Variants in ACAD11 observed in about 807,000 individuals in gnomAD.
The protein encoded by ACAD11 is acyl-Coenzyme A dehydrogenase family, member 11.
ACAD11 carries 83 observed loss-of-function variants against 102.2 expected under a neutral mutation model. The ratio of observed to expected loss-of-function variants is 0.81; its 90% CI spans 0.68 to 0.97. ACAD11 has a LOEUF of 0.97. Among genes scored for constraint, ACAD11 ranks in the 50% least tolerant of loss-of-function variants. The pLI is 0.00. For missense variants in ACAD11, 901 were observed against 951.7 expected, an observed-to-expected ratio of 0.95 and a Z score of 0.70; for synonymous variants, 324 against 319.8, an observed-to-expected ratio of 1.01 and a Z score of -0.14.
chr3:132,606,804 G>T (rs1938858045), intron 11 of ACAD11, among the ~76,000 whole-genome samples: 1 of 152,238 alleles, frequency 6.6e-6, no homozygotes, highest in African/African-American at 2.4e-5. Flanking sequence ...GCCTCCTCAA[G>T]TGGGTCCCTG....
chr3:132,610,363 A>T (rs967082070), intron 11 of ACAD11, among the ~76,000 whole-genome samples: 1 of 152,210 alleles, frequency 6.6e-6, no homozygotes, highest in Non-Finnish European at 1.5e-5. Flanking sequence ...GGCAAGAAAT[A>T]ACTAAGATCA....
intron 3 of ACAD11, 65 bp downstream of exon 3, chr3:132,642,612 A>C: frequency 6.8e-7 from 1 of 1,468,022 alleles, no homozygotes; most frequent in East Asian, 2.3e-5. Context: ...TATCATAATA[A>C]AACATCTTAA....
chr3:132,565,306 T>C (rs1349250770), intron 17 of ACAD11, among the ~76,000 whole-genome samples: 1 of 152,160 alleles, frequency 6.6e-6, no homozygotes, highest in Non-Finnish European at 1.5e-5. Flanking sequence ...CCAACCCATC[T>C]TATGGGTTGT....
intron 5 of ACAD11, among the ~76,000 whole-genome samples, chr3:132,637,858 C>A (rs1940332046): frequency 6.6e-6 from 1 of 152,106 alleles, no homozygotes; most frequent in South Asian, 2.1e-4. Flanking sequence ...GTTTATTCTT[C>A]TTTCTTAATT....
chr3:132,640,867 T>C (rs1940467613), intron 4 of ACAD11, among the ~76,000 whole-genome samples: 2 of 152,130 alleles, frequency 1.3e-5, no homozygotes, highest in African/African-American at 4.8e-5. Context: ...AATGATATGC[T>C]TACAAAGGAA....
At chr3:132,586,699 T>A (rs1937850406) in intron 13 of ACAD11, among the ~76,000 whole-genome samples, 2 of 152,160 alleles carry the variant, frequency 1.3e-5, no homozygotes, top group Admixed American at 6.5e-5. Flanking sequence ...ACTATTATAC[T>A]GAAAATAAAT....
intron 16 of ACAD11, 54 bp from the exon 17 acceptor site, chr3:132,575,980 TTTTG>T (rs1937518505): frequency 1.3e-6 from 2 of 1,587,190 alleles, no homozygotes; most frequent in Admixed American, 3.4e-5. Flanking sequence ...AGCCCATTCC[TTTTG>T]TTATTTATAC....
At chr3:132,561,835 T>A (rs1400534800) in intron 17 of ACAD11, among the ~76,000 whole-genome samples, 1 of 152,242 alleles carries the variant, frequency 6.6e-6, no homozygotes, top group East Asian at 1.9e-4. Context: ...CAGGCTCCTC[T>A]CACTCCTAAC....
intron 13 of ACAD11, among the ~76,000 whole-genome samples, chr3:132,590,134 T>C (rs1576567330): frequency 1.3e-5 from 2 of 152,294 alleles, no homozygotes; most frequent in East Asian, 3.9e-4. Context: ...TTGATTCCAT[T>C]GTGAGTAGTG....
At chr3:132,586,482 A>C (rs926150949) in intron 13 of ACAD11, among the ~76,000 whole-genome samples, 1 of 152,106 alleles carries the variant, frequency 6.6e-6, no homozygotes, top group Non-Finnish European at 1.5e-5. Context: ...CCTAAAACTT[A>C]AAGTGTAATA....
At chr3:132,629,043 TAATA>T (rs1327559825) in intron 7 of ACAD11, among the ~76,000 whole-genome samples, 1 of 152,224 alleles carries the variant, frequency 6.6e-6, no homozygotes, top group Non-Finnish European at 1.5e-5. Flanking sequence ...TAAAACACTG[TAATA>T]AATAAAACAC....
intron 4 of ACAD11, 133 bp from the exon 5 acceptor site, chr3:132,639,789 T>C: frequency 1.3e-6 from 1 of 777,408 alleles, no homozygotes; most frequent in Non-Finnish European, 2.0e-6. Flanking sequence ...GATACTCCTG[T>C]CATCCTAAAA....
intron 17 of ACAD11, among the ~76,000 whole-genome samples, chr3:132,569,444 A>G (rs1457004575): frequency 6.6e-6 from 1 of 152,222 alleles, no homozygotes; most frequent in East Asian, 1.9e-4. Flanking sequence ...CAACTACCAC[A>G]TGACACAGTA....
chr3:132,628,295 A>G (rs1205355584), intron 8 of ACAD11, 45 bp downstream of exon 8: 3 of 1,418,834 alleles, frequency 2.1e-6, no homozygotes, highest in Middle Eastern at 1.8e-4. Flanking sequence ...CACATACCCA[A>G]TAAAGGCTCT....
At chr3:132,572,130 C>A (rs1937398387) in intron 17 of ACAD11, among the ~76,000 whole-genome samples, 1 of 152,128 alleles carries the variant, frequency 6.6e-6, no homozygotes, top group African/African-American at 2.4e-5. Context: ...CAAACTATCC[C>A]TGTTTGCAGA....
intron 9 of ACAD11, among the ~76,000 whole-genome samples, chr3:132,624,128 G>A (rs1347368029): frequency 6.6e-6 from 1 of 151,496 alleles, no homozygotes; most frequent in Non-Finnish European, 1.5e-5. Flanking sequence ...AACAGAGTGA[G>A]ACCAGGTCTC....
chr3:132,583,253 T>C (rs1280244505), intron 13 of ACAD11, among the ~76,000 whole-genome samples: 2 of 152,214 alleles, frequency 1.3e-5, no homozygotes, highest in African/African-American at 2.4e-5. Flanking sequence ...ATTCAGAGAT[T>C]CAACTTCTTC....
chr3:132,559,111 C>T, intron 19 of ACAD11, 26 bp from the exon 20 acceptor site: 1 of 1,503,292 alleles, frequency 6.7e-7, no homozygotes, highest in Non-Finnish European at 9.3e-7. Context: ...AATCAGGGAA[C>T]ACAGGGAGTT....
chr3:132,621,749 G>A (rs1377848526), intron 9 of ACAD11, among the ~76,000 whole-genome samples: 1 of 152,064 alleles, frequency 6.6e-6, no homozygotes, highest in African/African-American at 2.4e-5. Context: ...CTTGAGGTCA[G>A]AAATTTGACA....
Sources: gnomAD v4.1 joint callset for allele counts (sites outside exome capture counted in the v4.1 genomes callset) on GRCh38, gnomAD v4.1.1 for gene constraint, MANE v1.5 for transcripts, NCBI Gene and HGNC (gene_info 2026-07-23, HGNC 2026-07-21) for gene names.